PPP2R2B: variants seen among roughly 807,000 people sequenced by gnomAD.
PPP2R2B encodes protein phosphatase 2 regulatory subunit Bbeta.
PPP2R2B carries 5 observed loss-of-function variants against 46.0 expected under a neutral mutation model. The ratio of observed to expected loss-of-function variants is 0.11; its 90% CI spans 0.06 to 0.23. PPP2R2B has a LOEUF of 0.23. Among genes scored for constraint, PPP2R2B ranks in the 10% least tolerant of loss-of-function variants. The pLI is 1.00. For missense variants in PPP2R2B, 367 were observed against 575.0 expected (o/e 0.64, Z 3.70); for synonymous variants, 215 against 206.7 (o/e 1.04, Z -0.34).
intron 2 of PPP2R2B, among the ~76,000 whole-genome samples, chr5:146,810,807 T>G (rs1757490138): frequency 6.6e-6 from 1 of 152,054 alleles, no homozygotes; most frequent in Admixed American, 6.5e-5. Flanking sequence ...ATGTGCCATG[T>G]TGGTGTGCTG....
chr5:146,738,840 C>A lies in PPP2R2B; in HGVS notation c.71-37698G>T, dbSNP rs6871414. Among the ~76,000 whole-genome samples, 601 of 152,214 alleles carry A rather than the reference C, an allele frequency of 3.9e-3. 4 individuals carry two copies. Among genetic ancestry groups the A allele is most frequent in the African/African-American group, 0.014 (586 of 41,518 alleles). On this transcript the variant is annotated intron_variant, in intron 2 of 9. Transcript: ENST00000394411. Reference sequence around the variant, plus strand: ...TGAGGGTTTTTTAATCAGATTAATTCATAAATTAATTCAAATATTTATTAA... The same window carrying A: ...TGAGGGTTTTTTAATCAGATTAATTAATAAATTAATTCAAATATTTATTAA...
chr5:146,755,673 A>G (rs1753791195), intron 2 of PPP2R2B, among the ~76,000 whole-genome samples: 1 of 152,240 alleles, frequency 6.6e-6, no homozygotes, highest in South Asian at 2.1e-4. Flanking sequence ...GTTTCATCAA[A>G]TGGTTTAAAA....
intron 2 of PPP2R2B, among the ~76,000 whole-genome samples, chr5:147,078,127 A>G (rs1211776874): frequency 2.6e-5 from 4 of 152,204 alleles, no homozygotes; most frequent in African/African-American, 9.7e-5. Context: ...CTCATAAGTA[A>G]TGTAGGAATA....
At chr5:146,846,166 G>C (rs780434582) in intron 2 of PPP2R2B, among the ~76,000 whole-genome samples, 8 of 148,998 alleles carry the variant, frequency 5.4e-5, no homozygotes, top group Non-Finnish European at 7.4e-5. Context: ...GACTGCTTGA[G>C]CCCAGGAGTT....
In PPP2R2B at chr5:146,613,931, T is replaced by G. The variant is rs1283953865; in HGVS notation, c.791-13471A>C. On this transcript the variant is annotated intron_variant, in intron 7 of 9. Coordinates refer to ENST00000394411, the MANE Select transcript of PPP2R2B (RefSeq NM_181675.4). ...GTGAAAATGGCCATACTGCCCAAGG[T>G]AATTTACAGATTCAATGCCATCCCC... Among the ~76,000 whole-genome samples the G allele has an allele frequency of 2.4e-3, 299 of 125,334 alleles. 20 individuals carry two copies. The highest frequency in any genetic ancestry group is 9.9e-3 in the African/African-American group (267 of 27,026). The allele number at this position is 125,334 out of a possible 152,430, so 82.2% of individuals were successfully genotyped here.
chr5:146,945,142 T>C (rs928964190), intron 1 of PPP2R2B, among the ~76,000 whole-genome samples: 1 of 152,190 alleles, frequency 6.6e-6, no homozygotes, highest in Non-Finnish European at 1.5e-5. Flanking sequence ...GATGAATACC[T>C]GCTTTGTACT....
At chr5:146,592,374 C>T (rs1770747349) in intron 9 of PPP2R2B, among the ~76,000 whole-genome samples, 1 of 152,200 alleles carries the variant, frequency 6.6e-6, no homozygotes, top group South Asian at 2.1e-4. Context: ...ACGAAATCAG[C>T]CCCTGGTAGC....
rs10075033 is a variant in PPP2R2B at position 146,718,410 on chromosome 5, C to T, written c.71-17268G>A. Among the ~76,000 whole-genome samples, 1,353 of 151,760 alleles carry T rather than the reference C, an allele frequency of 8.9e-3. 21 individuals carry two copies. The highest frequency in any genetic ancestry group is 0.031 in the African/African-American group (1,294 of 41,396). On this transcript the variant is annotated intron_variant, in intron 2 of 9. Transcript: ENST00000394411. ...CTTAAAAAAAAAAAAGTACGGTTTC[C>T]TAGAATATTTATTAATATTTGTAGC...
At chr5:146,721,980 A>G (rs1780831936) in intron 2 of PPP2R2B, among the ~76,000 whole-genome samples, 1 of 152,226 alleles carries the variant, frequency 6.6e-6, no homozygotes, top group Non-Finnish European at 1.5e-5. Flanking sequence ...AGAACTTTAC[A>G]TGCATTAACT....
At chr5:146,659,489 A>G (rs1420528205) in intron 5 of PPP2R2B, among the ~76,000 whole-genome samples, 3 of 152,112 alleles carry the variant, frequency 2.0e-5, no homozygotes, top group African/African-American at 7.2e-5. Flanking sequence ...CTTTCTTGAT[A>G]TCAGTATTCC....
intron 1 of PPP2R2B, among the ~76,000 whole-genome samples, chr5:147,040,157 T>C (rs1026016027): frequency 3.3e-5 from 5 of 152,108 alleles, no homozygotes; most frequent in African/African-American, 9.7e-5. Context: ...TAAATGAACA[T>C]TGGGTATCAC....
At chr5:146,703,796 T>C (rs900185620) in intron 2 of PPP2R2B, among the ~76,000 whole-genome samples, 1 of 152,228 alleles carries the variant, frequency 6.6e-6, no homozygotes, top group African/African-American at 2.4e-5. Flanking sequence ...GTATTAGGCA[T>C]GGTCCCAGGT....
At chr5:147,024,259 C>T (rs575183824) in intron 1 of PPP2R2B, among the ~76,000 whole-genome samples, 2 of 151,874 alleles carry the variant, frequency 1.3e-5, no homozygotes, top group Non-Finnish European at 2.9e-5. Context: ...AGGGTCAGTA[C>T]ATCAGAAAGA....
intron 1 of PPP2R2B, among the ~76,000 whole-genome samples, chr5:146,929,314 T>C (rs891345120): frequency 6.6e-6 from 1 of 152,212 alleles, no homozygotes; most frequent in Non-Finnish European, 1.5e-5. Context: ...TTCAGTGACA[T>C]ATCATTTCAC....
intron 2 of PPP2R2B, among the ~76,000 whole-genome samples, chr5:146,760,991 G>A (rs1014349322): frequency 3.3e-5 from 5 of 152,146 alleles, no homozygotes; most frequent in African/African-American, 1.2e-4. Context: ...TTAGAATAGC[G>A]ATCATTAAAA....
chr5:146,678,789 C>A (rs1777920963), intron 5 of PPP2R2B, among the ~76,000 whole-genome samples: 1 of 131,338 alleles, frequency 7.6e-6, no homozygotes, highest in Admixed American at 7.3e-5. Context: ...AACTCCCATT[C>A]ACAATTGCTT....
chr5:146,801,884 C>T (rs540933708), intron 2 of PPP2R2B, among the ~76,000 whole-genome samples: 11 of 152,256 alleles, frequency 7.2e-5, no homozygotes, highest in South Asian at 4.1e-4. Flanking sequence ...AGCCCAAATT[C>T]GAAGATGAGT....
At chr5:147,019,226 T>C (rs1248021502) in intron 1 of PPP2R2B, among the ~76,000 whole-genome samples, 1 of 152,176 alleles carries the variant, frequency 6.6e-6, no homozygotes, top group African/African-American at 2.4e-5. Flanking sequence ...AGATTGACCA[T>C]AAATATTTAA....
intron 2 of PPP2R2B, among the ~76,000 whole-genome samples, chr5:146,843,175 G>A (rs367730118): frequency 3.2e-4 from 48 of 152,216 alleles, no homozygotes; most frequent in African/African-American, 1.7e-4. Flanking sequence ...CAATGAGGGC[G>A]AAACTCTGCC....
Sources: allele counts gnomAD v4.1 joint callset (sites outside exome capture counted in the v4.1 genomes callset), GRCh38; gene constraint gnomAD v4.1.1; transcripts MANE v1.5; gene names NCBI Gene and HGNC (gene_info 2026-07-23, HGNC 2026-07-21).